The following KAT8 variants were observed in gnomAD, a reference collection of about 807,000 sequenced individuals.
The protein encoded by KAT8 is lysine acetyltransferase 8.
KAT8 carries 40 observed loss-of-function variants against 62.9 expected under a neutral mutation model. That is an observed-to-expected ratio of 0.64 (90% CI 0.49 to 0.83). The LOEUF is 0.83. Ranked by LOEUF, KAT8 falls within the 40% of genes least tolerant of loss-of-function variation. KAT8 has a pLI of 0.00. For synonymous variants in KAT8, 278 were observed against 254.5 expected, an observed-to-expected ratio of 1.09 and a Z score of -0.88; for missense variants, 387 against 614.8, an observed-to-expected ratio of 0.63 and a Z score of 3.92.
chr16:31,117,822 G>C lies in KAT8; in HGVS notation c.141G>C (p.Ala47=). The C allele has an allele frequency of 6.9e-7, 1 of 1,440,582 alleles. No homozygotes were observed. Among genetic ancestry groups the C allele is most frequent in the Non-Finnish European group, 9.2e-7 (1 of 1,087,282 alleles). 89.2% of individuals were successfully genotyped at this position (1,440,582 alleles called of 1,614,324 possible). A position where few individuals can be genotyped will look rare whatever the true frequency, so the allele number is the denominator to read the frequency against. The change falls in exon 1 of 11, where the codon GCG becomes GCC. Residue 47 remains alanine (A), a synonymous_variant. Coordinates refer to ENST00000219797, the MANE Select transcript of KAT8 (RefSeq NM_032188.3). ...SPGRVSPPTP[A]RGEPEVTVEI... Reference sequence around the variant, plus strand: ...GCCGCGTCTCTCCGCCGACCCCGGCGCGCGGCGAGCCGGAAGTCACGGTGG... The same window carrying C: ...GCCGCGTCTCTCCGCCGACCCCGGCCCGCGGCGAGCCGGAAGTCACGGTGG...
In KAT8 at chr16:31,130,472, G is replaced by A; in HGVS notation, c.1023G>A (p.Lys341=). The A allele has an allele frequency of 6.2e-7, 1 of 1,614,164 alleles. No homozygotes were observed. The highest frequency in any genetic ancestry group is 8.5e-7 in the Non-Finnish European group (1 of 1,180,010). Residue 341 remains lysine (K), a synonymous_variant, in exon 9 of 11, where the codon AAG becomes AAA. Transcript: ENST00000219797. The stretch of plus-strand genomic sequence containing the variant: ...TGCTGCCAGGTTATGAGCTCTCCAA[G>A]CTGGAGAGCACAGTCGGCTCCCCGG... ...FLIAFSYELS[K]LESTVGSPEK... is the part of the protein sequence containing the mutation.
At chr16:31,125,164 C>G (rs559510888) in intron 3 of KAT8, among the ~76,000 whole-genome samples, 1 of 152,012 alleles carries the variant, frequency 6.6e-6, no homozygotes, top group East Asian at 1.9e-4. Context: ...TGCACTCCAG[C>G]CTGGGCGACA....
intron 6 of KAT8, among the ~76,000 whole-genome samples, chr16:31,129,443 G>A (rs1261591415): frequency 1.3e-5 from 2 of 152,206 alleles, no homozygotes; most frequent in African/African-American, 2.4e-5. Flanking sequence ...GGGCCTGGCA[G>A]TGCTGGGCTC....
intron 1 of KAT8, among the ~76,000 whole-genome samples, chr16:31,119,944 G>C (rs2057480903): frequency 6.6e-6 from 1 of 151,864 alleles, no homozygotes; most frequent in Admixed American, 6.6e-5. Flanking sequence ...GCCTCCAGAA[G>C]TACTGGGATT....
intron 3 of KAT8, 109 bp from the exon 4 acceptor site, chr16:31,126,926 C>T: frequency 8.4e-7 from 1 of 1,190,552 alleles, no homozygotes. Context: ...TTATTGCCAT[C>T]CAGGAATGAG....
At chr16:31,121,132 T>G (rs900597676) in intron 3 of KAT8, 4 of 151,764 alleles carry the variant, frequency 2.6e-5, no homozygotes, top group Non-Finnish European at 5.9e-5. Flanking sequence ...TTTTTGTTTT[T>G]TTTTTTGAGA....
chr16:31,125,008 CAA>C (rs772961962), intron 3 of KAT8, among the ~76,000 whole-genome samples: 8 of 152,150 alleles, frequency 5.3e-5, no homozygotes, highest in East Asian at 1.9e-4. Flanking sequence ...GCCTGGGCAA[CAA>C]GAGCAAAATT....
rs1806687648 is a variant in KAT8 at position 31,127,354 on chromosome 16, G to A, written c.681+1G>A. 2 of 1,613,964 alleles carry A rather than the reference G, an allele frequency of 1.2e-6. No individual in the cohort carries two copies. Among genetic ancestry groups the A allele is most frequent in the Admixed American group, 1.7e-5 (1 of 60,006 alleles). Reference sequence around the variant, plus strand: ...TGAGAAGAGCTACCGCTTCCACTTGGTGAGGCTGGGCCGGCCGGGCCGAGC... The same window carrying A: ...TGAGAAGAGCTACCGCTTCCACTTGATGAGGCTGGGCCGGCCGGGCCGAGC... On this transcript the variant is annotated splice_donor_variant, in intron 5 of 10. Transcript: ENST00000219797. LOFTEE classifies it high-confidence loss of function.
chr16:31,127,389 G>T (rs1346811216), intron 5 of KAT8, 36 bp downstream of exon 5: 2 of 1,609,812 alleles, frequency 1.2e-6, no homozygotes, highest in Admixed American at 1.7e-5. Context: ...CTGGGCAGGG[G>T]CCCGGTGAGA....
intron 3 of KAT8, chr16:31,123,875 A>T (rs976968329): frequency 2.7e-5 from 3 of 112,082 alleles, no homozygotes; most frequent in Non-Finnish European, 4.0e-5. Context: ...TAGATCTAAG[A>T]TTAATTCCTC....
intron 6 of KAT8, 89 bp from the exon 7 acceptor site, chr16:31,129,928 C>T (rs2057560869): frequency 1.4e-6 from 2 of 1,478,366 alleles, no homozygotes; most frequent in Non-Finnish European, 9.3e-7. Flanking sequence ...GAGGCGCCCA[C>T]TTCGCGTGGG....
chr16:31,118,817 C>G (rs1190779352), intron 1 of KAT8: 2 of 151,194 alleles, frequency 1.3e-5, no homozygotes, highest in Non-Finnish European at 2.9e-5. Flanking sequence ...TTGTCAGGTG[C>G]GCTGCTAAAA....
At position 31,127,043 on chromosome 16, in the gene KAT8, A is replaced by C. The variant is rs2057536616; in HGVS notation, c.471A>C (p.Ala157=). 6.2e-7 allele frequency: 1 copy of C among 1,614,142 alleles called. No individual in the cohort carries two copies. The highest frequency in any genetic ancestry group is 8.5e-7 in the Non-Finnish European group (1 of 1,180,020). ...TTTCTTTCCTGGCCCAGACTTATGC[A>C]GAGATGGACCCCACCACAGCAGCCT... is the stretch of plus-strand genomic sequence containing the variant. ...DEINHVQKTY[A]EMDPTTAALE... The change falls in exon 4 of 11, where the codon GCA becomes GCC. Residue 157 remains alanine, a synonymous_variant. Coordinates refer to ENST00000219797, the MANE Select transcript of KAT8 (RefSeq NM_032188.3).
intron 3 of KAT8, chr16:31,120,790 G>C (rs1197980917): frequency 2.6e-6 from 1 of 389,370 alleles, no homozygotes. Flanking sequence ...TCTCCTAGTA[G>C]CTGTGTCTTA....
chr16:31,129,280 G>A (rs1187877437), intron 6 of KAT8, among the ~76,000 whole-genome samples: 1 of 152,194 alleles, frequency 6.6e-6, no homozygotes, highest in Non-Finnish European at 1.5e-5. Flanking sequence ...CCCAGCCCTT[G>A]CCCCTGCTCT....
chr16:31,118,505 C>G (rs2057468076), intron 1 of KAT8: 1 of 152,344 alleles, frequency 6.6e-6, no homozygotes. Flanking sequence ...CCTTGTTTGC[C>G]TGCCTAGCTC....
In KAT8 at chr16:31,130,622, G is replaced by A. The variant is rs367905009; in HGVS notation, c.1157+16G>A. 28 of 1,613,312 alleles carry A rather than the reference G, an allele frequency of 1.7e-5. No homozygotes were observed. Among genetic ancestry groups the A allele is most frequent in the South Asian group, 8.8e-5 (8 of 91,016 alleles). On this transcript the variant is annotated intron_variant, in intron 9 of 10. Transcript: ENST00000219797. ...AGGACCTCAGGTGAGGGGGCCTCCC[G>A]GGCCCTGGGGGCAGGACTTGCCCTG...
At chr16:31,117,916 G>T in intron 1 of KAT8, 24 bp downstream of exon 1, 1 of 1,321,760 alleles carries the variant, frequency 7.6e-7, no homozygotes, top group South Asian at 2.0e-5. Context: ...CCAGGGCTGG[G>T]GGCGGGGCGG....
chr16:31,117,871 C>T lies in KAT8; in HGVS notation c.190C>T (p.Arg64Trp), dbSNP rs2057460433. 1.4e-6 allele frequency: 2 copies of T among 1,385,584 alleles called. No individual in the cohort carries two copies. Among genetic ancestry groups the T allele is most frequent in the African/African-American group, 1.5e-5 (1 of 65,792 alleles). 85.8% of individuals were successfully genotyped at this position (1,385,584 alleles called of 1,614,324 possible). A position where few individuals can be genotyped will look rare whatever the true frequency, so the allele number is the denominator to read the frequency against. Residue 64 changes from arginine to tryptophan, a missense_variant, in exon 1 of 11, where the codon CGG (arginine) becomes TGG (tryptophan). Arg to Trp is a moderately radical substitution (Grantham distance 101). This residue lies in a region of KAT8 where 69 missense variants were observed against 127.0 expected (regional missense o/e 0.54). Coordinates refer to ENST00000219797, the MANE Select transcript of KAT8 (RefSeq NM_032188.3). ...GGAGATCGGAGAAACGTACCTGTGC[C>T]GGCGACCGGATAGCACCTGGCGTGA... ...TVEIGETYLCRRPDSTWHSAE... is the reference protein window; with the variant it reads ...TVEIGETYLCWRPDSTWHSAE...
Sources: gnomAD v4.1 joint callset for allele counts (sites outside exome capture counted in the v4.1 genomes callset) on GRCh38, gnomAD v4.1.1 for gene constraint, gnomAD v4.1.1 regional missense constraint, MANE v1.5 for transcripts, NCBI Gene and HGNC (gene_info 2026-07-23, HGNC 2026-07-21) for gene names.